Variants in DNAH6 observed in about 807,000 individuals in gnomAD.
The protein encoded by DNAH6 is dynein axonemal heavy chain 6.
In DNAH6, 340 loss-of-function variants were observed where a neutral mutation model predicts 491.4. The observed-to-expected ratio is 0.69, with a 90% CI of 0.63 to 0.76. The LOEUF is 0.76. Ranked by LOEUF, DNAH6 falls within the 30% of genes least tolerant of loss-of-function variation. The pLI is 0.00. For missense variants in DNAH6, 4,443 were observed against 4,972.2 expected (o/e 0.89, Z 3.20); for synonymous variants, 1,603 against 1,686.1 (o/e 0.95, Z 1.21).
the DNAH6 span, among the ~76,000 whole-genome samples, chr2:84,483,220 T>TCCCAAA: frequency 2.0e-5 from 3 of 152,190 alleles, no homozygotes; most frequent in African/African-American, 7.2e-5. Context: ...GGTGTTGGCA[T>TCCCAAA]CCCAAAGTGC....
chr2:84,682,873 C>T (rs1693918589), intron 42 of DNAH6, among the ~76,000 whole-genome samples: 1 of 152,196 alleles, frequency 6.6e-6, no homozygotes, highest in African/African-American at 2.4e-5. Context: ...CAAGCATGGG[C>T]CCTGTTGAGA....
Position 84,801,269 on chromosome 2 carries a change from G to GA in DNAH6, c.11481+3625dup, listed in dbSNP as rs548174516. 1.9e-3 allele frequency among the ~76,000 whole-genome samples: 212 copies of GA among 110,502 alleles called. 2 individuals are homozygous for GA. The highest frequency in any genetic ancestry group is 4.6e-3 in the Admixed American group (49 of 10,710). 72.5% of individuals were successfully genotyped at this position (110,502 alleles called of 152,430 possible). A position where few individuals can be genotyped will look rare whatever the true frequency, so the allele number is the denominator to read the frequency against. On this transcript the variant is annotated intron_variant, in intron 70 of 76. Transcript: ENST00000389394. Reference sequence around the variant, plus strand: ...AATTAAAAAAAAAGAAAAAGAAAAAGAAAAAAAAAAAAAAGAAAGTAAGCA... The same window carrying GA: ...AATTAAAAAAAAAGAAAAAGAAAAAGAAAAAAAAAAAAAAAGAAAGTAAGCA...
intron 70 of DNAH6, among the ~76,000 whole-genome samples, chr2:84,798,512 A>G (rs572615261): frequency 1.3e-5 from 2 of 151,988 alleles, no homozygotes; most frequent in East Asian, 1.9e-4. Context: ...ACACTACCAC[A>G]CTCATCCCCC....
Position 84,570,674 on chromosome 2 carries a change from G to A in DNAH6, c.1804-2793G>A, listed in dbSNP as rs191760904. ...GCACCAATCAGCACTCTGTAAAATGGGCCCATTAGCACTCTGTAAGATGGA... is the reference window on the plus strand; with the variant it reads ...GCACCAATCAGCACTCTGTAAAATGAGCCCATTAGCACTCTGTAAGATGGA... On this transcript the variant is annotated intron_variant, in intron 11 of 76. Coordinates refer to ENST00000389394, the MANE Select transcript of DNAH6 (RefSeq NM_001370.2). Among the ~76,000 whole-genome samples, 13 of 152,072 alleles carry A rather than the reference G, an allele frequency of 8.5e-5. No homozygotes were observed. The East Asian group carries it at 2.0e-3, about 23-fold the overall frequency.
chr2:84,703,271 T>C, intron 49 of DNAH6, 124 bp from the exon 50 acceptor site: 1 of 702,542 alleles, frequency 1.4e-6, no homozygotes, highest in Non-Finnish European at 2.2e-6. Context: ...CAACCTGAAT[T>C]ATTACAAACT....
chr2:84,785,357 A>G (rs1282666736), intron 66 of DNAH6, among the ~76,000 whole-genome samples: 1 of 152,176 alleles, frequency 6.6e-6, no homozygotes, highest in East Asian at 1.9e-4. Flanking sequence ...TGGACACTAA[A>G]TGGAAGTGTC....
the DNAH6 span, among the ~76,000 whole-genome samples, chr2:84,483,398 A>G: frequency 2.6e-5 from 4 of 152,164 alleles, no homozygotes; most frequent in Admixed American, 6.5e-5. Flanking sequence ...TGCTATTTAC[A>G]TATGTGCCAG....
intron 62 of DNAH6, among the ~76,000 whole-genome samples, chr2:84,738,639 A>G (rs1384337269): frequency 6.6e-6 from 1 of 151,906 alleles, no homozygotes; most frequent in Non-Finnish European, 1.5e-5. Flanking sequence ...TTAAATTCTG[A>G]TATAAGAACA....
chr2:84,479,417 T>A, the DNAH6 span, among the ~76,000 whole-genome samples: 4 of 152,364 alleles, frequency 2.6e-5, no homozygotes, highest in East Asian at 7.7e-4. Flanking sequence ...TGAAGACTTT[T>A]GCCCTATTTT....
intron 9 of DNAH6, among the ~76,000 whole-genome samples, chr2:84,550,998 A>G (rs1447157621): frequency 6.6e-6 from 1 of 152,182 alleles, no homozygotes; most frequent in African/African-American, 2.4e-5. Flanking sequence ...ATATTATCTC[A>G]TATTCAAATT....
chr2:84,726,618 A>G (rs1698658205), intron 60 of DNAH6, among the ~76,000 whole-genome samples: 1 of 151,924 alleles, frequency 6.6e-6, no homozygotes, highest in South Asian at 2.1e-4. Context: ...GGAACATCAC[A>G]CTCCGGGACT....
At chr2:84,610,762 C>G (rs1014041255) in intron 21 of DNAH6, among the ~76,000 whole-genome samples, 1 of 152,172 alleles carries the variant, frequency 6.6e-6, no homozygotes, top group Non-Finnish European at 1.5e-5. Context: ...TCAAAGAGAA[C>G]TTTCTCAGAA....
At chr2:84,768,512 A>G (rs1675300607) in intron 64 of DNAH6, among the ~76,000 whole-genome samples, 1 of 152,064 alleles carries the variant, frequency 6.6e-6, no homozygotes, top group Non-Finnish European at 1.5e-5. Flanking sequence ...TTTAAAATTG[A>G]TAAGCATAAA....
chr2:84,468,400 C>T, the DNAH6 span, among the ~76,000 whole-genome samples: 1 of 152,192 alleles, frequency 6.6e-6, no homozygotes, highest in Non-Finnish European at 1.5e-5. Context: ...GTGGTGCCTC[C>T]TGTTTACCCC....
chr2:84,783,745 A>G (rs1306371522), intron 65 of DNAH6, among the ~76,000 whole-genome samples: 1 of 152,208 alleles, frequency 6.6e-6, no homozygotes, highest in African/African-American at 2.4e-5. Flanking sequence ...TTTCCATTCT[A>G]GTTGGGGGGA....
At chr2:84,465,775 G>A in the DNAH6 span, among the ~76,000 whole-genome samples, 1 of 152,154 alleles carries the variant, frequency 6.6e-6, no homozygotes, top group Non-Finnish European at 1.5e-5. Context: ...GAGATTACTA[G>A]TTGTTTCACA....
intron 37 of DNAH6, among the ~76,000 whole-genome samples, chr2:84,665,596 A>G (rs1370656453): frequency 6.6e-6 from 1 of 152,214 alleles, no homozygotes; most frequent in African/African-American, 2.4e-5. Context: ...TCTGAAATTG[A>G]GGCAATAATT....
intron 63 of DNAH6, among the ~76,000 whole-genome samples, chr2:84,753,247 A>G (rs1416432515): frequency 6.6e-6 from 1 of 152,138 alleles, no homozygotes; most frequent in Non-Finnish European, 1.5e-5. Context: ...ATGCAGTTGT[A>G]AAAGGTTTTT....
At chr2:84,578,659 G>GTC (rs1041762064) in intron 13 of DNAH6, among the ~76,000 whole-genome samples, 8 of 152,144 alleles carry the variant, frequency 5.3e-5, no homozygotes, top group African/African-American at 1.9e-4. Context: ...CTGAGTACAC[G>GTC]TCTCTCTCAG....
Sources: gnomAD v4.1 joint callset for allele counts (sites outside exome capture counted in the v4.1 genomes callset) on GRCh38, gnomAD v4.1.1 for gene constraint, MANE v1.5 for transcripts, NCBI Gene and HGNC (gene_info 2026-07-23, HGNC 2026-07-21) for gene names.